The following CUBN variants were observed in gnomAD, a reference collection of about 807,000 sequenced individuals.
CUBN encodes cubilin, also known as 460 kDa receptor.
Under a neutral mutation model 405.3 loss-of-function variants are expected in CUBN, and 282 were observed. That is an observed-to-expected ratio of 0.70 (90% CI 0.63 to 0.77). The LOEUF (loss-of-function observed/expected upper bound fraction) is 0.77, where lower values mean the gene tolerates loss of function less well. Among genes scored for constraint, CUBN ranks in the 30% least tolerant of loss-of-function variants. The pLI is 0.00. For synonymous variants in CUBN, 1,684 were observed against 1,617.0 expected (o/e 1.04, Z -0.99); for missense variants, 4,514 against 4,475.2 (o/e 1.01, Z -0.25).
intron 57 of CUBN, among the ~76,000 whole-genome samples, chr10:16,875,398 C>T (rs1840468887): frequency 6.6e-6 from 1 of 152,146 alleles, no homozygotes; most frequent in Non-Finnish European, 1.5e-5. Context: ...GGGGTTAACG[C>T]ATTTTGAAGT....
intron 31 of CUBN, among the ~76,000 whole-genome samples, chr10:16,976,950 C>A (rs1429828711): frequency 1.3e-5 from 2 of 152,140 alleles, no homozygotes; most frequent in Non-Finnish European, 2.9e-5. Flanking sequence ...CTATAGTATG[C>A]AGTTCCTTGC....
intron 43 of CUBN, among the ~76,000 whole-genome samples, chr10:16,923,548 T>C (rs1429799738): frequency 3.3e-5 from 5 of 152,160 alleles, no homozygotes; most frequent in African/African-American, 1.2e-4. Context: ...ATGCTGTTGT[T>C]TCAGGTTGCC....
In CUBN at chr10:17,084,475, A is replaced by G. The variant is rs1436202294; in HGVS notation, c.2111-14T>C. On this transcript the variant is annotated splice_polypyrimidine_tract_variant and intron_variant, in intron 16 of 66. Transcript: ENST00000377833. Reference sequence around the variant, plus strand: ...AACGCAGATCCGCTAAGAACAGGGAAGAGACGAACAGGTCATGGCAATGGC... The same window carrying G: ...AACGCAGATCCGCTAAGAACAGGGAGGAGACGAACAGGTCATGGCAATGGC... The G allele has an allele frequency of 6.2e-7, 1 of 1,610,528 alleles. No homozygotes were observed. The highest frequency in any genetic ancestry group is 1.7e-5 in the Admixed American group (1 of 59,576).
At chr10:17,025,460 A>G (rs189512335) in intron 27 of CUBN, among the ~76,000 whole-genome samples, 20 of 152,368 alleles carry the variant, frequency 1.3e-4, no homozygotes, top group Non-Finnish European at 2.6e-4. Context: ...GTCTTTATCT[A>G]TAAATCTGGC....
At chr10:17,054,109 G>A (rs554848339) in intron 22 of CUBN, among the ~76,000 whole-genome samples, 2 of 152,084 alleles carry the variant, frequency 1.3e-5, no homozygotes, top group African/African-American at 4.8e-5. Flanking sequence ...AAGGTGGGCA[G>A]ATTACGTGGT....
At chr10:16,971,037 C>A (rs939737202) in intron 31 of CUBN, among the ~76,000 whole-genome samples, 2 of 152,148 alleles carry the variant, frequency 1.3e-5, no homozygotes, top group African/African-American at 4.8e-5. Context: ...TTTGAAAAAA[C>A]AGGATGGCTG....
Position 17,024,100 on chromosome 10 carries a change from C to T in CUBN, c.4018-4117G>A, listed in dbSNP as rs760790562. 4.6e-5 allele frequency among the ~76,000 whole-genome samples: 7 copies of T among 151,690 alleles called. No homozygotes were observed. The East Asian group carries it at 1.4e-3, about 29-fold the overall frequency. ...TTTGTGCGGGTTTGATAATTTGGCA[C>T]ATACTTTACAATACCATTAGTGAAT... On this transcript the variant is annotated intron_variant, in intron 27 of 66. Coordinates refer to ENST00000377833, the MANE Select transcript of CUBN (RefSeq NM_001081.4).
intron 31 of CUBN, among the ~76,000 whole-genome samples, chr10:16,963,921 A>C (rs1214611749): frequency 1.3e-5 from 2 of 152,234 alleles, no homozygotes; most frequent in Non-Finnish European, 2.9e-5. Flanking sequence ...CATGGGAATC[A>C]CAAACCAGAA....
At chr10:16,966,324 C>T (rs2131660459) in intron 31 of CUBN, among the ~76,000 whole-genome samples, 1 of 152,292 alleles carries the variant, frequency 6.6e-6, no homozygotes, top group Middle Eastern at 3.4e-3. Flanking sequence ...GAACTTCTAT[C>T]GTTGCCACAT....
intron 57 of CUBN, 99 bp from the exon 58 acceptor site, chr10:16,874,602 A>G: frequency 7.0e-7 from 1 of 1,430,204 alleles, no homozygotes; most frequent in Non-Finnish European, 9.8e-7. Context: ...TTTTTCCCTA[A>G]AAGAGGTAAT....
intron 31 of CUBN, among the ~76,000 whole-genome samples, chr10:16,954,963 T>C (rs537458679): frequency 6.6e-6 from 1 of 152,316 alleles, no homozygotes; most frequent in East Asian, 1.9e-4. Flanking sequence ...CAACATTTGT[T>C]GGACCTGTTT....
rs772342839 is a variant in CUBN, at chr10:16,829,925, T to TG, written c.10529-886dup. Among the ~76,000 whole-genome samples the TG allele has an allele frequency of 5.7e-3, 678 of 119,026 alleles. 1 individual carries two copies. Among genetic ancestry groups the TG allele is most frequent in the Non-Finnish European group, 9.4e-3 (549 of 58,320 alleles). 78.1% of individuals were successfully genotyped at this position (119,026 alleles called of 152,430 possible). A position where few individuals can be genotyped will look rare whatever the true frequency, so the allele number is the denominator to read the frequency against. ...CAAGCTCCACCTCCCGGGTTCATGG[T>TG]GGGTTTTTTTTGTTTTGTTTTTTTT... On this transcript the variant is annotated intron_variant, in intron 65 of 66. Transcript: ENST00000377833.
intron 28 of CUBN, among the ~76,000 whole-genome samples, chr10:17,013,990 A>G (rs1834257410): frequency 6.6e-6 from 1 of 152,196 alleles, no homozygotes; most frequent in Admixed American, 6.5e-5. Flanking sequence ...CTGGGAGAAA[A>G]GTGGCAGGGT....
At chr10:17,105,682 G>A (rs180977163) in intron 10 of CUBN, 107 bp from the exon 11 acceptor site, 16 of 718,502 alleles carry the variant, frequency 2.2e-5, no homozygotes, top group Admixed American at 2.2e-4. Flanking sequence ...CCAACATCCA[G>A]TCTGTGTATT....
chr10:16,955,374 CAAAAAAAAAA>C (rs59365817), intron 31 of CUBN, among the ~76,000 whole-genome samples: 6,430 of 68,814 alleles, frequency 0.093, 555 homozygotes, highest in African/African-American at 0.24. Flanking sequence ...GATTCTGTCT[CAAAAAAAAAA>C]AAAAAAAAAA....
chr10:17,001,390 G>T (rs1833877480), intron 28 of CUBN, among the ~76,000 whole-genome samples: 1 of 152,170 alleles, frequency 6.6e-6, no homozygotes. Flanking sequence ...AGCGCTGGTT[G>T]GTCCACTTTA....
chr10:17,092,397 A>C (rs1176804514), intron 14 of CUBN, among the ~76,000 whole-genome samples: 1 of 152,172 alleles, frequency 6.6e-6, no homozygotes, highest in African/African-American at 2.4e-5. Flanking sequence ...CATCTTGAAT[A>C]GGGGCTGGAT....
intron 19 of CUBN, among the ~76,000 whole-genome samples, chr10:17,071,156 G>T (rs547523993): frequency 7.2e-5 from 11 of 152,034 alleles, no homozygotes; most frequent in African/African-American, 2.7e-4. Flanking sequence ...TTATTTTATT[G>T]GTACCATGTA....
intron 27 of CUBN, among the ~76,000 whole-genome samples, chr10:17,040,364 G>A (rs921688001): frequency 3.3e-5 from 5 of 152,118 alleles, no homozygotes; most frequent in Non-Finnish European, 5.9e-5. Flanking sequence ...TACTGATGAT[G>A]AAACGTAGAT....
Sources: gnomAD v4.1 joint callset for allele counts (sites outside exome capture counted in the v4.1 genomes callset) on GRCh38, gnomAD v4.1.1 for gene constraint, MANE v1.5 for transcripts, NCBI Gene and HGNC (gene_info 2026-07-23, HGNC 2026-07-21) for gene names.